Variants in EGFL6 observed in about 807,000 individuals in gnomAD.
EGFL6 encodes epidermal growth factor-like protein 6.
EGFL6 carries 42 observed loss-of-function variants against 43.1 expected under a neutral mutation model. The ratio of observed to expected loss-of-function variants is 0.98; its 90% CI spans 0.76 to 1.26. The LOEUF (loss-of-function observed/expected upper bound fraction) is 1.26. EGFL6 is among the 50% of genes most tolerant of loss of function. The pLI is 0.00. For missense variants in EGFL6, 429 were observed against 427.8 expected (o/e 1.00, Z -0.02); for synonymous variants, 164 against 163.2 (o/e 1.01, Z -0.04).
At chrX:13,595,969 C>G (rs985863816) in intron 3 of EGFL6, among the ~76,000 whole-genome samples, 5 of 111,212 alleles carry the variant, frequency 4.5e-5, no homozygotes, top group African/African-American at 1.6e-4. Flanking sequence ...ATCCTCCCGC[C>G]TTGCCCTCCC....
chrX:13,583,107 T>C (rs1223604426), intron 1 of EGFL6, among the ~76,000 whole-genome samples: 1 of 110,104 alleles, frequency 9.1e-6, no homozygotes, highest in East Asian at 2.8e-4. Context: ...TGCCCCCTGC[T>C]GTTTCCCTGC....
Position 13,618,644 on chromosome X carries a change from C to G in EGFL6, c.1103-519C>G, listed in dbSNP as rs1006442789. On this transcript the variant is annotated intron_variant, in intron 8 of 11. Transcript: ENST00000361306. ...AACCCACCATAAGGCTCAGTCCCCC[C>G]AGGAGGGTTTCCATATTAACCCACC... Among the ~76,000 whole-genome samples, 4 of 111,762 alleles carry G rather than the reference C, an allele frequency of 3.6e-5. No individual in the cohort carries two copies. In the South Asian group the frequency reaches 1.5e-3, roughly 42 times the overall value.
At chrX:13,592,920 T>TC (rs1569203911) in intron 2 of EGFL6, among the ~76,000 whole-genome samples, 1 of 101,563 alleles carries the variant, frequency 9.8e-6, no homozygotes, top group Non-Finnish European at 2.0e-5. Context: ...GTTCTTTCTT[T>TC]TTTTTTTTTT....
Position 13,613,157 on chromosome X carries a change from C to CATATATATATATATAT in EGFL6, c.779-4566_779-4551dup, listed in dbSNP as rs35293457. 2.1e-3 allele frequency among the ~76,000 whole-genome samples: 185 copies of CATATATATATATATAT among 89,378 alleles called. 4 individuals are homozygous for CATATATATATATATAT. Among genetic ancestry groups the CATATATATATATATAT allele is most frequent in the African/African-American group, 7.8e-3 (171 of 21,832 alleles). 77.6% of individuals were successfully genotyped at this position (89,378 alleles called of 115,157 possible). ...GAGACTTCATCTCCATAAATATATA[C>CATATATATATATATAT]ATATATATATATATATATATATGTC... On this transcript the variant is annotated intron_variant, in intron 7 of 11. Coordinates refer to ENST00000361306, the MANE Select transcript of EGFL6 (RefSeq NM_015507.4).
At chrX:13,598,299 T>C (rs1160339134) in intron 3 of EGFL6, among the ~76,000 whole-genome samples, 1 of 112,142 alleles carries the variant, frequency 8.9e-6, no homozygotes, top group Non-Finnish European at 1.9e-5. Flanking sequence ...GCTAGGGCAC[T>C]GGAAAATCCC....
intron 6 of EGFL6, 120 bp downstream of exon 6, chrX:13,606,633 C>A: frequency 1.3e-6 from 1 of 770,561 alleles, no homozygotes; most frequent in Non-Finnish European, 1.8e-6. Flanking sequence ...TGCTGACCAG[C>A]TTAACAATAA....
chrX:13,570,014 A>AC, intron 1 of EGFL6, 79 bp downstream of exon 1: 1 of 946,056 alleles, frequency 1.1e-6, no homozygotes, highest in Non-Finnish European at 1.5e-6. Flanking sequence ...CTTTGCAGGC[A>AC]CCCCCGCGTG....
chrX:13,595,722 C>CT (rs751094085), intron 3 of EGFL6, among the ~76,000 whole-genome samples: 5,321 of 100,307 alleles, frequency 0.053, 344 homozygotes, highest in African/African-American at 0.16. Flanking sequence ...ACTTCATATA[C>CT]TTTTTTTTTT....
chrX:13,577,341 T>TATATAC (rs1345271588), intron 1 of EGFL6, among the ~76,000 whole-genome samples: 15 of 12,014 alleles, frequency 1.2e-3, no homozygotes, highest in African/African-American at 3.7e-3. Flanking sequence ...TATATATATA[T>TATATAC]ACATACACAC....
chrX:13,618,751 G>A (rs2045733499), intron 8 of EGFL6, among the ~76,000 whole-genome samples: 5 of 110,529 alleles, frequency 4.5e-5, no homozygotes, highest in Non-Finnish European at 5.7e-5. Flanking sequence ...ATCTAGTCTC[G>A]GCTCTGTGAC....
At chrX:13,573,128 A>G (rs1362043551) in intron 1 of EGFL6, among the ~76,000 whole-genome samples, 1 of 112,150 alleles carries the variant, frequency 8.9e-6, no homozygotes, top group African/African-American at 3.2e-5. Context: ...GCTCATTGCA[A>G]GAGCCCTCAC....
chrX:13,627,420 G>C (rs971874732), intron 11 of EGFL6, 144 bp downstream of exon 11: 1 of 769,534 alleles, frequency 1.3e-6, no homozygotes, highest in Non-Finnish European at 1.8e-6. Flanking sequence ...ATACGTTCTG[G>C]AGCTGAATAG....
In EGFL6 at chrX:13,614,161, G is replaced by A. The variant is rs765425170; in HGVS notation, c.779-3569G>A. The stretch of plus-strand genomic sequence containing the variant: ...TTAATTATTCATTTGAGGACATATG[G>A]CTAGAAGATGTGGGAGCTAGGAGTC... On this transcript the variant is annotated intron_variant, in intron 7 of 11. Coordinates refer to ENST00000361306, the MANE Select transcript of EGFL6 (RefSeq NM_015507.4). Among the ~76,000 whole-genome samples the A allele has an allele frequency of 4.0e-4, 45 of 112,206 alleles. No individual in the cohort carries two copies. The South Asian group carries it at 0.016, about 41-fold the overall frequency.
chrX:13,631,584 C>T (rs1439555739), intron 11 of EGFL6, among the ~76,000 whole-genome samples: 1 of 110,628 alleles, frequency 9.0e-6, no homozygotes, highest in Non-Finnish European at 1.9e-5. Flanking sequence ...GAATTCGAGA[C>T]TAGCTTGGCC....
intron 1 of EGFL6, among the ~76,000 whole-genome samples, chrX:13,578,479 C>T (rs1050761860): frequency 6.5e-5 from 7 of 107,504 alleles, no homozygotes; most frequent in Non-Finnish European, 1.2e-4. Context: ...CACATGCACA[C>T]GTATGTTTAT....
chrX:13,614,113 GGAGAGACTGAGGCAAA>G (rs2045706461), intron 7 of EGFL6, among the ~76,000 whole-genome samples: 1 of 112,334 alleles, frequency 8.9e-6, no homozygotes, highest in African/African-American at 3.2e-5. Context: ...TTTTATAAAT[GGAGAGACTGAGGCAAA>G]GAGAAGTTAA....
intron 11 of EGFL6, 138 bp downstream of exon 11, chrX:13,627,414 G>C (rs962098922): frequency 1.2e-6 from 1 of 822,155 alleles, no homozygotes; most frequent in African/African-American, 2.1e-5. Flanking sequence ...TAAAGAATAC[G>C]TTCTGGAGCT....
intron 11 of EGFL6, among the ~76,000 whole-genome samples, chrX:13,627,592 T>C (rs748711128): frequency 3.3e-4 from 37 of 112,235 alleles, no homozygotes; most frequent in Non-Finnish European, 5.4e-4. Context: ...TCATGCTCAT[T>C]CATTCTATGC....
At position 13,597,769 on chromosome X, in the gene EGFL6, G is replaced by A. The variant is rs1382192865; in HGVS notation, c.281-2206G>A. Among the ~76,000 whole-genome samples the A allele has an allele frequency of 2.8e-5, 3 of 108,045 alleles. No individual in the cohort carries two copies. In the Admixed American group the frequency reaches 2.9e-4, roughly 11 times the overall value. 93.8% of individuals were successfully genotyped at this position (108,045 alleles called of 115,157 possible). A position where few individuals can be genotyped will look rare whatever the true frequency, so the allele number is the denominator to read the frequency against. ...ACTGCACTGCAGCCTGGGCAACAGA[G>A]CGAGACTCCATCTCAGAAAAAAAAA... On this transcript the variant is annotated intron_variant, in intron 3 of 11. Coordinates refer to ENST00000361306, the MANE Select transcript of EGFL6 (RefSeq NM_015507.4).
Sources: gnomAD v4.1 joint callset for allele counts (sites outside exome capture counted in the v4.1 genomes callset) on GRCh38, gnomAD v4.1.1 for gene constraint, MANE v1.5 for transcripts, NCBI Gene and HGNC (gene_info 2026-07-23, HGNC 2026-07-21) for gene names.